Variants in SRPK1 observed in about 807,000 individuals in gnomAD.
SRPK1 encodes the protein SFRS protein kinase 1.
In SRPK1, 52 loss-of-function variants were observed where a neutral mutation model predicts 89.5. The observed-to-expected ratio is 0.58, with a 90% CI of 0.46 to 0.73. The LOEUF is 0.73. Ranked by LOEUF, SRPK1 falls within the 30% of genes least tolerant of loss-of-function variation. SRPK1 has a pLI of 0.00. For synonymous variants in SRPK1, 255 were observed against 270.2 expected (o/e 0.94, Z 0.55); for missense variants, 603 against 780.6 (o/e 0.77, Z 2.71).
chr6:35,908,505 T>C (rs895964426), intron 2 of SRPK1, among the ~76,000 whole-genome samples: 2 of 152,194 alleles, frequency 1.3e-5, no homozygotes, highest in Non-Finnish European at 2.9e-5. Context: ...TTTAGGGTAT[T>C]TGGCAGAAGA....
intron 14 of SRPK1, among the ~76,000 whole-genome samples, chr6:35,841,828 C>T (rs1208536377): frequency 2.1e-5 from 2 of 97,058 alleles, no homozygotes; most frequent in East Asian, 7.4e-4. Flanking sequence ...GAGACTCCGT[C>T]TCAAAAAAAA....
intron 13 of SRPK1, among the ~76,000 whole-genome samples, chr6:35,851,434 A>G (rs1769553507): frequency 2.0e-5 from 3 of 152,086 alleles, no homozygotes; most frequent in Admixed American, 2.0e-4. Flanking sequence ...TCAGCCTCCC[A>G]AAGTGCTGAG....
intron 12 of SRPK1, among the ~76,000 whole-genome samples, chr6:35,866,676 T>C (rs1431859076): frequency 6.6e-6 from 1 of 152,198 alleles, no homozygotes; most frequent in Non-Finnish European, 1.5e-5. Context: ...GTACCACTGC[T>C]GGGTATCTGC....
intron 11 of SRPK1, 105 bp downstream of exon 11, chr6:35,869,377 C>G (rs1769981612): frequency 1.5e-6 from 2 of 1,352,180 alleles, no homozygotes; most frequent in Admixed American, 2.0e-5. Flanking sequence ...TTAGACACAC[C>G]TGTTGTAAAG....
intron 6 of SRPK1, among the ~76,000 whole-genome samples, chr6:35,883,796 G>A (rs758391141): frequency 2.6e-5 from 4 of 151,538 alleles, no homozygotes; most frequent in Non-Finnish European, 4.4e-5. Context: ...TGCAGTTGGC[G>A]CTATCTTGGC....
intron 12 of SRPK1, among the ~76,000 whole-genome samples, chr6:35,858,318 T>G (rs1769707116): frequency 6.6e-6 from 1 of 152,158 alleles, no homozygotes; most frequent in Non-Finnish European, 1.5e-5. Flanking sequence ...ATCATTCTTT[T>G]TAACTGTGAC....
chr6:35,853,145 G>A (rs1337887151), intron 13 of SRPK1, among the ~76,000 whole-genome samples: 1 of 151,998 alleles, frequency 6.6e-6, no homozygotes, highest in African/African-American at 2.4e-5. Flanking sequence ...CCATATACTC[G>A]TTGGCGGGGG....
chr6:35,891,082 C>T, intron 2 of SRPK1, 69 bp from the exon 3 acceptor site: 1 of 1,479,358 alleles, frequency 6.8e-7, no homozygotes, highest in Non-Finnish European at 9.0e-7. Context: ...AAATGCTGCC[C>T]TCCCCACAAA....
chr6:35,867,261 G>A (rs9462141), intron 12 of SRPK1, among the ~76,000 whole-genome samples: 47,985 of 152,080 alleles, frequency 0.32, 7,816 homozygotes, highest in South Asian at 0.42. Context: ...AGTCACTACT[G>A]AAGTCATCCA....
At chr6:35,907,803 T>C (rs1276398989) in intron 2 of SRPK1, among the ~76,000 whole-genome samples, 2 of 151,940 alleles carry the variant, frequency 1.3e-5, no homozygotes, top group Non-Finnish European at 2.9e-5. Context: ...GCTCTGTGTC[T>C]CTACACAAAT....
rs545774673 is a variant in SRPK1, at chr6:35,836,348, T to C, written c.1784-860A>G. 4.7e-5 allele frequency among the ~76,000 whole-genome samples: 7 copies of C among 149,038 alleles called. No individual in the cohort carries two copies. In the East Asian group the frequency reaches 6.0e-4, roughly 13 times the overall value. ...AAACCAGTCCCTGGTGCCAAAAAGA[T>C]TGGGGACCGCTGCTCTACACTATAC... On this transcript the variant is annotated intron_variant, in intron 15 of 15. Transcript: ENST00000373825.
At chr6:35,900,376 A>G (rs939894980) in intron 2 of SRPK1, among the ~76,000 whole-genome samples, 1 of 152,218 alleles carries the variant, frequency 6.6e-6, no homozygotes, top group African/African-American at 2.4e-5. Context: ...ACAAGCAAGT[A>G]TGTGTTCATG....
chr6:35,874,368 G>T (rs1582010349), intron 6 of SRPK1, 29 bp from the exon 7 acceptor site: 2 of 1,507,048 alleles, frequency 1.3e-6, no homozygotes, highest in Admixed American at 1.8e-5. Context: ...GGGAAAAAAC[G>T]GCACAAAAGA....
rs1393008544 is a variant in SRPK1, at chr6:35,889,133, G to C, written c.194-210C>G. Among the ~76,000 whole-genome samples, 4 of 152,032 alleles carry C rather than the reference G, an allele frequency of 2.6e-5. 1 individual carries two copies. The highest frequency in any genetic ancestry group is 4.1e-4 in the South Asian group (2 of 4,830). On this transcript the variant is annotated intron_variant, in intron 3 of 15. Transcript: ENST00000373825. ...TCATGTTATTAAAAAAAGTGAGTAAGATTAATGATTTAGATTGAGCCTACA... is the reference window on the plus strand; with the variant it reads ...TCATGTTATTAAAAAAAGTGAGTAACATTAATGATTTAGATTGAGCCTACA...
At chr6:35,875,917 C>G (rs1472681004) in intron 6 of SRPK1, among the ~76,000 whole-genome samples, 1 of 151,894 alleles carries the variant, frequency 6.6e-6, no homozygotes, top group African/African-American at 2.4e-5. Flanking sequence ...AAATTCACAC[C>G]ATGTGCCTTC....
chr6:35,868,031 G>A (rs563275776), intron 12 of SRPK1, among the ~76,000 whole-genome samples: 1 of 152,006 alleles, frequency 6.6e-6, no homozygotes, highest in South Asian at 2.1e-4. Flanking sequence ...GGAGTGCAAT[G>A]GCGTGATCTT....
chr6:35,905,258 A>G (rs1770827727), intron 2 of SRPK1, among the ~76,000 whole-genome samples: 1 of 152,188 alleles, frequency 6.6e-6, no homozygotes, highest in African/African-American at 2.4e-5. Flanking sequence ...GTAATAGTGG[A>G]CCCATCTTCT....
chr6:35,872,583 G>A lies in SRPK1; in HGVS notation c.731C>T (p.Pro244Leu). Residue 244 changes from proline (P) to leucine (L), a missense_variant, in exon 8 of 16, where the codon CCT becomes CTT. Physicochemically the swap from Pro to Leu is moderately conservative, Grantham distance 98. Transcript: ENST00000373825. Reference sequence around the variant, plus strand: ...TACACCTGCAGATCCGGAAGGCGGAGGAGCTCCAGATCGCTGCCATTCTGT... The same window carrying A: ...TACACCTGCAGATCCGGAAGGCGGAAGAGCTCCAGATCGCTGCCATTCTGT... The part of the protein sequence containing the change: ...EATEWQRSGA[P>L]PPSGSAVSTA... 1.0e-5 allele frequency: 16 copies of A among 1,606,862 alleles called. No individual in the cohort carries two copies. The highest frequency in any genetic ancestry group is 1.4e-5 in the Non-Finnish European group (16 of 1,177,292).
intron 2 of SRPK1, among the ~76,000 whole-genome samples, chr6:35,893,196 GA>G (rs1770556174): frequency 6.6e-6 from 1 of 152,158 alleles, no homozygotes; most frequent in African/African-American, 2.4e-5. Context: ...GAAAGTAAAT[GA>G]AATGGGGCCG....
Sources: allele counts gnomAD v4.1 joint callset (sites outside exome capture counted in the v4.1 genomes callset), GRCh38; gene constraint gnomAD v4.1.1; transcripts MANE v1.5; gene names NCBI Gene and HGNC (gene_info 2026-07-23, HGNC 2026-07-21).